The following TLR7 variants were observed in gnomAD, a reference collection of about 807,000 sequenced individuals.
TLR7 encodes toll like receptor 7, also known as toll-like receptor 7.
A neutral mutation model predicts 38.3 loss-of-function variants in TLR7; 12 were observed. The ratio of observed to expected loss-of-function variants is 0.31; its 90% CI spans 0.20 to 0.51. The LOEUF is 0.51. Ranked by LOEUF, TLR7 falls within the 20% of genes least tolerant of loss-of-function variation. The pLI, the probability that TLR7 is intolerant of heterozygous loss-of-function variation, is 0.98. For synonymous variants in TLR7, 285 were observed against 293.8 expected (o/e 0.97, Z 0.31); for missense variants, 504 against 743.4 (o/e 0.68, Z 3.74).
At chrX:12,870,491 C>T (rs5743727) in intron 2 of TLR7, among the ~76,000 whole-genome samples, 2,489 of 111,688 alleles carry the variant, frequency 0.022, 68 homozygotes, top group African/African-American at 0.076. Flanking sequence ...AAATTTGGAA[C>T]GCTGTACTAA....
At chrX:12,880,989 G>T (rs1313070514) in intron 2 of TLR7, among the ~76,000 whole-genome samples, 1 of 110,294 alleles carries the variant, frequency 9.1e-6, no homozygotes, top group Non-Finnish European at 1.9e-5. Flanking sequence ...CACTTTGGGA[G>T]GCCGAGGTGG....
intron 2 of TLR7, among the ~76,000 whole-genome samples, chrX:12,881,766 T>C (rs1199418691): frequency 1.8e-5 from 2 of 111,087 alleles, no homozygotes; most frequent in Non-Finnish European, 3.8e-5. Flanking sequence ...CCAAAACACA[T>C]GTAGCACCAA....
Position 12,890,256 on chromosome X carries a change from C to T in TLR7, c.*1598C>T, listed in dbSNP as rs1390300096. 8.9e-6 allele frequency: 1 copy of T among 112,824 alleles called. No homozygotes were observed. Among genetic ancestry groups the T allele is most frequent in the East Asian group, 2.8e-4 (1 of 3,627 alleles). 9.3% of individuals were successfully genotyped at this position (112,824 alleles called of 1,213,427 possible). A position where few individuals can be genotyped will look rare whatever the true frequency, so the allele number is the denominator to read the frequency against. The stretch of plus-strand genomic sequence containing the variant: ...AGGCTTTACTTTACCTGTGAGTACA[C>T]ACTATATGAATTATTTCCAACGTAC... On this transcript the variant is annotated 3_prime_UTR_variant, in exon 3 of 3. Coordinates refer to ENST00000380659, the MANE Select transcript of TLR7 (RefSeq NM_016562.4).
chrX:12,877,276 C>G (rs1291241534), intron 2 of TLR7, among the ~76,000 whole-genome samples: 1 of 109,921 alleles, frequency 9.1e-6, no homozygotes, highest in Non-Finnish European at 1.9e-5. Context: ...TGGTCTAGAC[C>G]AGGGGTCTGC....
intron 2 of TLR7, among the ~76,000 whole-genome samples, chrX:12,885,107 G>A (rs1408146437): frequency 3.6e-5 from 4 of 112,315 alleles, no homozygotes; most frequent in African/African-American, 9.7e-5. Context: ...GGTTTAGCAG[G>A]CCGACATAAA....
Position 12,888,229 on chromosome X carries a change from G to A in TLR7, c.2721G>A (p.Trp907Ter). 1 of 1,211,534 alleles carries A rather than the reference G, an allele frequency of 8.3e-7. No individual in the cohort carries two copies. Among genetic ancestry groups the A allele is most frequent in the Non-Finnish European group, 1.1e-6 (1 of 895,441 alleles). ...YDTKDPAVTE[W>*]VLAELVAKLE... ...CTAAAGACCCAGCTGTGACCGAGTG[G>A]GTTTTGGCTGAGCTGGTGGCCAAAC... Residue 907 changes from tryptophan to a stop codon, truncating the protein, a stop_gained, in exon 3 of 3, where the codon TGG becomes TGA. Coordinates refer to ENST00000380659, the MANE Select transcript of TLR7 (RefSeq NM_016562.4). LOFTEE classifies it high-confidence loss of function.
intron 2 of TLR7, among the ~76,000 whole-genome samples, chrX:12,876,926 A>AAT (rs142239929): frequency 0.036 from 1,403 of 39,205 alleles, 18 homozygotes; most frequent in African/African-American, 0.27. Context: ...CATTACAAAT[A>AAT]AAAAAAAAAA....
At chrX:12,881,347 G>A (rs992616612) in intron 2 of TLR7, among the ~76,000 whole-genome samples, 4 of 107,721 alleles carry the variant, frequency 3.7e-5, no homozygotes, top group African/African-American at 1.3e-4. Flanking sequence ...GCATTTGGAG[G>A]TAGATCTTGA....
chrX:12,872,873 T>C (rs1166539726), intron 2 of TLR7, among the ~76,000 whole-genome samples: 1 of 109,165 alleles, frequency 9.2e-6, no homozygotes. Context: ...CTGTCTATTC[T>C]CAACACAGCA....
intron 2 of TLR7, among the ~76,000 whole-genome samples, chrX:12,878,749 AACTACCC>A (rs1330355142): frequency 0.039 from 4,409 of 111,642 alleles, 217 homozygotes; most frequent in African/African-American, 0.14. Context: ...CAATTGAATC[AACTACCC>A]TGAGGCTGCA....
chrX:12,884,104 C>T (rs749726865), intron 2 of TLR7, among the ~76,000 whole-genome samples: 7 of 111,378 alleles, frequency 6.3e-5, no homozygotes, highest in African/African-American at 9.8e-5. Flanking sequence ...CTCAACCTCC[C>T]GAGTAGCTGA....
At chrX:12,874,745 C>T (rs749212832) in intron 2 of TLR7, among the ~76,000 whole-genome samples, 21 of 111,935 alleles carry the variant, frequency 1.9e-4, no homozygotes, top group Non-Finnish European at 2.3e-4. Flanking sequence ...TAAATAAACA[C>T]GAGGAGAAAT....
intron 2 of TLR7, chrX:12,877,771 C>T (rs1324322354): frequency 1.8e-5 from 2 of 111,250 alleles, no homozygotes; most frequent in East Asian, 5.6e-4. Context: ...ATCCTCGTTT[C>T]TTCTGTGGCA....
chrX:12,877,024 T>C, intron 2 of TLR7, among the ~76,000 whole-genome samples: 1 of 111,749 alleles, frequency 8.9e-6, no homozygotes, highest in East Asian at 2.8e-4. Context: ...AATCTCAAAA[T>C]AACGATAGTT....
At chrX:12,875,638 A>G (rs993707452) in intron 2 of TLR7, among the ~76,000 whole-genome samples, 2 of 111,312 alleles carry the variant, frequency 1.8e-5, no homozygotes, top group African/African-American at 3.3e-5. Context: ...ATGATAGTGG[A>G]TAAGTCTCAC....
At chrX:12,874,568 C>T (rs1192903787) in intron 2 of TLR7, among the ~76,000 whole-genome samples, 1 of 110,980 alleles carries the variant, frequency 9.0e-6, no homozygotes, top group Admixed American at 9.6e-5. Flanking sequence ...CCATTAGAGT[C>T]ATAGAATAAG....
In TLR7 at chrX:12,881,692, A is replaced by C. The variant is rs369242493; in HGVS notation, c.4-3820A>C. Among the ~76,000 whole-genome samples, 63 of 110,109 alleles carry C rather than the reference A, an allele frequency of 5.7e-4. No individual in the cohort carries two copies. The South Asian group carries it at 0.016, about 29-fold the overall frequency. On this transcript the variant is annotated intron_variant, in intron 2 of 2. Transcript: ENST00000380659. The stretch of plus-strand genomic sequence containing the variant: ...ATGGAATGCTGCCCCAGGCCTCAAT[A>C]GTTATTACATAATTTAGGGTACATG...
rs772473903 is a variant in TLR7, at chrX:12,886,214, A to T, written c.706A>T (p.Met236Leu). The T allele has an allele frequency of 2.5e-6, 3 of 1,210,140 alleles. No homozygotes were observed. The South Asian group carries it at 5.3e-5, about 21-fold the overall frequency. Residue 236 changes from methionine (M) to leucine (L), a missense_variant, in exon 3 of 3, where the codon ATG (methionine) becomes TTG (leucine). By Grantham distance (15) the Met-to-Leu change is conservative. Coordinates refer to ENST00000380659, the MANE Select transcript of TLR7 (RefSeq NM_016562.4). ...TLTELYLYNN[M>L]IAKIQEDDFN... ...AACAGAACTATATCTCTACAACAACATGATTGCAAAAATCCAAGAAGATGA... is the reference window on the plus strand; with the variant it reads ...AACAGAACTATATCTCTACAACAACTTGATTGCAAAAATCCAAGAAGATGA...
rs1213719405 is a variant in TLR7 at position 12,889,084 on chromosome X, G to T, written c.*426G>T. On this transcript the variant is annotated 3_prime_UTR_variant, in exon 3 of 3. Transcript: ENST00000380659. Reference sequence around the variant, plus strand: ...CTCTATATGAGACCAAAATGTACTAGAGTTAGTTTAGTGAAATAAAAAACC... The same window carrying T: ...CTCTATATGAGACCAAAATGTACTATAGTTAGTTTAGTGAAATAAAAAACC... 2.6e-5 allele frequency: 3 copies of T among 115,543 alleles called. No individual in the cohort carries two copies. The East Asian group carries it at 8.2e-4, about 32-fold the overall frequency. The allele number at this position is 115,543 out of a possible 1,213,427, so 9.5% of individuals were successfully genotyped here. A position where few individuals can be genotyped will look rare whatever the true frequency, so the allele number is the denominator to read the frequency against.
Sources: allele counts gnomAD v4.1 joint callset (sites outside exome capture counted in the v4.1 genomes callset), GRCh38; gene constraint gnomAD v4.1.1; transcripts MANE v1.5; gene names NCBI Gene and HGNC (gene_info 2026-07-23, HGNC 2026-07-21).